CORIN: variants seen among roughly 807,000 people sequenced by gnomAD.
The protein encoded by CORIN is corin, serine peptidase.
Under a neutral mutation model 125.3 loss-of-function variants are expected in CORIN, and 117 were observed. That is an observed-to-expected ratio of 0.93 (90% CI 0.80 to 1.09). The LOEUF is 1.09. Ranked by LOEUF, CORIN falls within the 50% of genes least tolerant of loss-of-function variation. The pLI, the probability that CORIN is intolerant of heterozygous loss-of-function variation, is 0.00. For missense variants in CORIN, 1,253 were observed against 1,306.7 expected (o/e 0.96, Z 0.63); for synonymous variants, 450 against 466.4 (o/e 0.96, Z 0.45).
chr4:47,691,758 C>T lies in CORIN; in HGVS notation c.913+1212G>A, dbSNP rs2109739619. ...AGTTTTTTTTTTTCAAGCATTATTC[C>T]AGACTCAGATACTACATGAAACACC... is the stretch of plus-strand genomic sequence containing the variant. On this transcript the variant is annotated intron_variant, in intron 6 of 21. Transcript: ENST00000273857. Among the ~76,000 whole-genome samples the T allele has an allele frequency of 3.3e-5, 5 of 151,824 alleles. No individual in the cohort carries two copies. The South Asian group carries it at 1.0e-3, about 32-fold the overall frequency.
At chr4:47,835,539 A>G (rs1733351384) in intron 1 of CORIN, among the ~76,000 whole-genome samples, 1 of 152,196 alleles carries the variant, frequency 6.6e-6, no homozygotes, top group Non-Finnish European at 1.5e-5. Context: ...CATTAACAGT[A>G]TGGAGATTTG....
chr4:47,705,559 T>C (rs560630814), intron 5 of CORIN, among the ~76,000 whole-genome samples: 1 of 152,304 alleles, frequency 6.6e-6, no homozygotes, highest in Admixed American at 6.5e-5. Flanking sequence ...AGAAACTAGG[T>C]CAGATTTCCT....
chr4:47,620,471 TAG>T (rs1391604687), intron 19 of CORIN, among the ~76,000 whole-genome samples: 1 of 152,260 alleles, frequency 6.6e-6, no homozygotes, highest in Non-Finnish European at 1.5e-5. Flanking sequence ...AATGGAATTA[TAG>T]AGTGTTATTC....
chr4:47,599,201 T>A (rs762062188), intron 21 of CORIN, among the ~76,000 whole-genome samples: 5 of 152,128 alleles, frequency 3.3e-5, no homozygotes, highest in Non-Finnish European at 7.4e-5. Flanking sequence ...ACCATCCACG[T>A]CAGCAGGATG....
intron 10 of CORIN, among the ~76,000 whole-genome samples, chr4:47,667,014 AT>A (rs1724512044): frequency 6.6e-6 from 1 of 152,118 alleles, no homozygotes; most frequent in Non-Finnish European, 1.5e-5. Context: ...AGCTCCCATA[AT>A]CCCCACTTGT....
intron 1 of CORIN, among the ~76,000 whole-genome samples, chr4:47,831,043 C>T (rs997214896): frequency 6.6e-6 from 1 of 152,216 alleles, no homozygotes; most frequent in Non-Finnish European, 1.5e-5. Context: ...CTGCCCTGCT[C>T]CTAAGCCAGC....
intron 19 of CORIN, among the ~76,000 whole-genome samples, chr4:47,606,618 T>TC (rs1455987840): frequency 6.6e-6 from 1 of 151,856 alleles, no homozygotes; most frequent in Non-Finnish European, 1.5e-5. Context: ...TATCCTTCCT[T>TC]CCTTCCTACC....
intron 13 of CORIN, among the ~76,000 whole-genome samples, chr4:47,650,719 C>G (rs1723699309): frequency 1.3e-5 from 2 of 152,194 alleles, no homozygotes; most frequent in South Asian, 2.1e-4. Flanking sequence ...GTTTTACAGG[C>G]AGCTCCATCT....
In CORIN at chr4:47,693,033, G is replaced by C; in HGVS notation, c.850C>G (p.Pro284Ala). Residue 284 changes from proline to alanine, a missense_variant, in exon 6 of 22, where the codon CCC (proline) becomes GCC (alanine). Pro to Ala is a conservative substitution (Grantham distance 27, BLOSUM62 -1). Coordinates refer to ENST00000273857, the MANE Select transcript of CORIN (RefSeq NM_006587.4). ...TAGCCATTACATTGCAGTTTCCCGG[G>C]GATGCAGATTCCACTGGCACACAGA... Reference protein sequence around the residue: ...NFLCASGICIPGKLQCNGYND... With the variant: ...NFLCASGICIAGKLQCNGYND... 2 of 1,613,696 alleles carry C rather than the reference G, an allele frequency of 1.2e-6. No individual in the cohort carries two copies. Among genetic ancestry groups the C allele is most frequent in the Non-Finnish European group, 1.7e-6 (2 of 1,179,856 alleles).
chr4:47,758,592 A>T (rs960906741), intron 4 of CORIN, among the ~76,000 whole-genome samples: 2 of 152,164 alleles, frequency 1.3e-5, no homozygotes, highest in African/African-American at 4.8e-5. Flanking sequence ...AAGCATAATG[A>T]TATGGTTTAG....
intron 3 of CORIN, among the ~76,000 whole-genome samples, chr4:47,778,032 T>C (rs1158240742): frequency 2.0e-5 from 3 of 152,250 alleles, no homozygotes; most frequent in African/African-American, 7.2e-5. Flanking sequence ...TTGACTTTCA[T>C]CTGAGCCTTT....
chr4:47,672,202 C>T (rs1366716315), intron 10 of CORIN, among the ~76,000 whole-genome samples: 1 of 152,202 alleles, frequency 6.6e-6, no homozygotes, highest in Non-Finnish European at 1.5e-5. Flanking sequence ...GCCCAGCGCC[C>T]ATCCCGATGC....
chr4:47,624,821 C>G (rs1722483233), intron 17 of CORIN, among the ~76,000 whole-genome samples: 1 of 151,784 alleles, frequency 6.6e-6, no homozygotes, highest in Non-Finnish European at 1.5e-5. Flanking sequence ...CAATAAAAAT[C>G]CATATTGGGA....
chr4:47,786,532 A>G (rs897625883), intron 3 of CORIN, among the ~76,000 whole-genome samples, 193 bp downstream of exon 3: 5 of 151,838 alleles, frequency 3.3e-5, no homozygotes, highest in African/African-American at 1.2e-4. Context: ...CAAGAGCAAA[A>G]CTCCGCCTGA....
chr4:47,665,017 A>G lies in CORIN; in HGVS notation c.1589+15T>C. The G allele has an allele frequency of 6.4e-7, 1 of 1,553,202 alleles. No homozygotes were observed. Among genetic ancestry groups the G allele is most frequent in the Non-Finnish European group, 8.9e-7 (1 of 1,124,932 alleles). On this transcript the variant is annotated intron_variant, in intron 11 of 21. Coordinates refer to ENST00000273857, the MANE Select transcript of CORIN (RefSeq NM_006587.4). ...GAGGCAAAATAAGGGACTGGGGTAG[A>G]TCCCATCATATTACCTGCAAGGAGG...
At chr4:47,763,057 C>T (rs901392366) in intron 4 of CORIN, among the ~76,000 whole-genome samples, 7 of 152,264 alleles carry the variant, frequency 4.6e-5, no homozygotes, top group Non-Finnish European at 7.4e-5. Flanking sequence ...ACCCTGCCCA[C>T]AGCTCCATAA....
chr4:47,662,378 C>T (rs1724288735), intron 11 of CORIN, among the ~76,000 whole-genome samples: 1 of 152,104 alleles, frequency 6.6e-6, no homozygotes, highest in African/African-American at 2.4e-5. Context: ...TGGTGAAAAG[C>T]TTAGGACTCC....
Position 47,680,154 on chromosome 4 carries a change from G to A in CORIN, c.1119C>T (p.Asp373=), listed in dbSNP as rs773680908. Residue 373 remains aspartate (D), a synonymous_variant, in exon 8 of 22, where the codon GAC becomes GAT. Coordinates refer to ENST00000273857, the MANE Select transcript of CORIN (RefSeq NM_006587.4). Reference sequence around the variant, plus strand: ...CAGAGCACTCACAGCAGTTGACCTCGTCAGACTTATCCACACAGTCGTGGT... The same window carrying A: ...CAGAGCACTCACAGCAGTTGACCTCATCAGACTTATCCACACAGTCGTGGT... The part of the protein sequence containing the change: ...DGDHDCVDKS[D]EVNCSCHSQG... 3.1e-5 allele frequency: 50 copies of A among 1,612,054 alleles called. 1 individual carries two copies. Among genetic ancestry groups the A allele is most frequent in the African/African-American group, 6.7e-5 (5 of 74,910 alleles).
chr4:47,610,531 T>A lies in CORIN; in HGVS notation c.2541-6863A>T, dbSNP rs555416786. Among the ~76,000 whole-genome samples the A allele has an allele frequency of 6.0e-4, 91 of 152,324 alleles. 1 individual carries two copies. The highest frequency in any genetic ancestry group is 3.4e-3 in the Middle Eastern group (1 of 292). Reference sequence around the variant, plus strand: ...CAGATAAATAAATTGCAATTATTTTTCTCATTCTGTAGGTTGTCTATTCAA... The same window carrying A: ...CAGATAAATAAATTGCAATTATTTTACTCATTCTGTAGGTTGTCTATTCAA... On this transcript the variant is annotated intron_variant, in intron 19 of 21. Coordinates refer to ENST00000273857, the MANE Select transcript of CORIN (RefSeq NM_006587.4).
Sources: gnomAD v4.1 joint callset for allele counts (sites outside exome capture counted in the v4.1 genomes callset) on GRCh38, gnomAD v4.1.1 for gene constraint, MANE v1.5 for transcripts, NCBI Gene and HGNC (gene_info 2026-07-23, HGNC 2026-07-21) for gene names.